Variants in CNNM2 observed in about 807,000 individuals in gnomAD.
The protein encoded by CNNM2 is cyclin and CBS domain divalent metal cation transport mediator 2.
Under a neutral mutation model 66.9 loss-of-function variants are expected in CNNM2, and 12 were observed. The observed-to-expected ratio is 0.18, with a 90% CI of 0.11 to 0.29. The LOEUF is 0.29. CNNM2 is among the 10% of genes least tolerant of loss of function. The pLI is 1.00. For missense variants in CNNM2, 705 were observed against 1,167.7 expected (o/e 0.60, Z 5.77); for synonymous variants, 557 against 501.8 (o/e 1.11, Z -1.47).
intron 1 of CNNM2, among the ~76,000 whole-genome samples, chr10:103,023,168 G>T (rs2064624742): frequency 6.6e-6 from 1 of 152,188 alleles, no homozygotes; most frequent in South Asian, 2.1e-4. Context: ...GCCTCCCAGA[G>T]TGCTGGGATT....
rs1434463051 is a variant in CNNM2 at position 103,088,787 on chromosome 10, A to C, written c.*11607A>C. 1 of 183,886 alleles carries C rather than the reference A, an allele frequency of 5.4e-6. No homozygotes were observed. The highest frequency in any genetic ancestry group is 6.2e-5 in the Admixed American group (1 of 16,006). 11.4% of individuals were successfully genotyped at this position (183,886 alleles called of 1,614,324 possible). On this transcript the variant is annotated 3_prime_UTR_variant, in exon 8 of 8. Coordinates refer to ENST00000369878, the MANE Select transcript of CNNM2 (RefSeq NM_017649.5). ...CCCTCTTCCCATCCTCTGATGTTCA[A>C]TTTTAATATACAGCAATCAACTCTT...
At chr10:103,071,872 C>T in intron 6 of CNNM2, 33 bp downstream of exon 6, 2 of 1,596,302 alleles carry the variant, frequency 1.3e-6, no homozygotes, top group Non-Finnish European at 1.7e-6. Flanking sequence ...CGTAATTCTC[C>T]TGATTGCCTT....
chr10:102,989,233 C>A (rs1468046647), intron 1 of CNNM2, among the ~76,000 whole-genome samples: 1 of 152,178 alleles, frequency 6.6e-6, no homozygotes, highest in Non-Finnish European at 1.5e-5. Context: ...GGGAAACTTT[C>A]ATTATCTTTT....
intron 1 of CNNM2, among the ~76,000 whole-genome samples, chr10:102,987,638 G>C (rs943525307): frequency 4.0e-5 from 6 of 151,760 alleles, no homozygotes; most frequent in Admixed American, 1.3e-4. Flanking sequence ...TTTTTATATG[G>C]ATTTCATGAT....
intron 2 of CNNM2, among the ~76,000 whole-genome samples, chr10:103,051,290 G>A (rs2065208426): frequency 6.6e-6 from 1 of 152,104 alleles, no homozygotes; most frequent in Non-Finnish European, 1.5e-5. Flanking sequence ...AATTAGCTGG[G>A]CGTGGTGGCA....
At chr10:103,020,695 A>C (rs560594004) in intron 1 of CNNM2, among the ~76,000 whole-genome samples, 2 of 152,190 alleles carry the variant, frequency 1.3e-5, no homozygotes, top group East Asian at 3.8e-4. Flanking sequence ...TGGTGTGGCC[A>C]GGCAAATAAG....
At chr10:102,995,412 C>T (rs1228165997) in intron 1 of CNNM2, among the ~76,000 whole-genome samples, 1 of 151,442 alleles carries the variant, frequency 6.6e-6, no homozygotes, top group East Asian at 2.0e-4. Flanking sequence ...AGGGTTTTGC[C>T]ATGTTGGCCA....
At chr10:102,989,090 G>A (rs2063849149) in intron 1 of CNNM2, among the ~76,000 whole-genome samples, 2 of 152,140 alleles carry the variant, frequency 1.3e-5, no homozygotes, top group Admixed American at 6.6e-5. Context: ...AGACAGATCC[G>A]ATTACAATTC....
intron 1 of CNNM2, among the ~76,000 whole-genome samples, chr10:102,970,553 T>G (rs893860634): frequency 2.0e-5 from 3 of 152,204 alleles, no homozygotes; most frequent in Non-Finnish European, 2.9e-5. Context: ...ATTCCAGATG[T>G]TGCCTATTCT....
intron 1 of CNNM2, among the ~76,000 whole-genome samples, chr10:102,994,032 G>A (rs2063942988): frequency 6.6e-6 from 1 of 152,118 alleles, no homozygotes; most frequent in Admixed American, 6.6e-5. Context: ...TGCCTCCCGG[G>A]TTCAAGTGAT....
At chr10:103,017,093 C>G (rs2064467783) in intron 1 of CNNM2, among the ~76,000 whole-genome samples, 1 of 151,922 alleles carries the variant, frequency 6.6e-6, no homozygotes, top group South Asian at 2.1e-4. Context: ...TGAGGCCCAA[C>G]AATACTTGGA....
rs527789982 is a variant in CNNM2, at chr10:103,072,504, C to T, written c.2233+665C>T. Among the ~76,000 whole-genome samples the T allele has an allele frequency of 2.6e-4, 40 of 151,714 alleles. No individual in the cohort carries two copies. In the South Asian group the frequency reaches 4.8e-3, roughly 18 times the overall value. On this transcript the variant is annotated intron_variant, in intron 6 of 7. Coordinates refer to ENST00000369878, the MANE Select transcript of CNNM2 (RefSeq NM_017649.5). ...CTCCCCGCCACCAGGCAGGCGACCC[C>T]GCTTCTCCCCGCCACCAGGCAGGCG...
In CNNM2 at chr10:103,082,560, T is replaced by G. The variant is rs539801670; in HGVS notation, c.*5380T>G. ...TTTTATATTATTTATTATGTACATATGCCTGTTAGTACTTCGTCTGTGACT... is the reference window on the plus strand; with the variant it reads ...TTTTATATTATTTATTATGTACATAGGCCTGTTAGTACTTCGTCTGTGACT... On this transcript the variant is annotated 3_prime_UTR_variant, in exon 8 of 8. Transcript: ENST00000369878. 6.6e-6 allele frequency: 1 copy of G among 152,372 alleles called. No homozygotes were observed. The highest frequency in any genetic ancestry group is 2.1e-4 in the South Asian group (1 of 4,828). The allele number at this position is 152,372 out of a possible 1,614,324, so 9.4% of individuals were successfully genotyped here. A position where few individuals can be genotyped will look rare whatever the true frequency, so the allele number is the denominator to read the frequency against.
At chr10:103,009,210 G>A (rs1336045216) in intron 1 of CNNM2, among the ~76,000 whole-genome samples, 1 of 152,122 alleles carries the variant, frequency 6.6e-6, no homozygotes, top group East Asian at 1.9e-4. Flanking sequence ...AGGAGGCGGA[G>A]GTTGTGCTGG....
At chr10:103,069,586 AGGGT>A (rs1158356063) in intron 5 of CNNM2, among the ~76,000 whole-genome samples, 3 of 152,180 alleles carry the variant, frequency 2.0e-5, no homozygotes, top group African/African-American at 7.2e-5. Context: ...CAGCCAGTTA[AGGGT>A]GGGTGGCCAT....
chr10:103,020,072 C>T (rs1228295577), intron 1 of CNNM2, among the ~76,000 whole-genome samples: 2 of 152,000 alleles, frequency 1.3e-5, no homozygotes, highest in African/African-American at 4.8e-5. Flanking sequence ...GTGAGTTCAA[C>T]TCTTTCATAG....
chr10:103,024,881 A>C (rs997127837), intron 1 of CNNM2, among the ~76,000 whole-genome samples: 2 of 152,084 alleles, frequency 1.3e-5, no homozygotes, highest in Non-Finnish European at 2.9e-5. Flanking sequence ...TCATTTATCT[A>C]TCCCATGTAT....
At chr10:102,942,568 T>C (rs1318423686) in intron 1 of CNNM2, among the ~76,000 whole-genome samples, 2 of 152,238 alleles carry the variant, frequency 1.3e-5, no homozygotes, top group Non-Finnish European at 2.9e-5. Flanking sequence ...ATTCGTCTGT[T>C]GATGGACATT....
At chr10:102,923,153 A>G (rs769743706) in intron 1 of CNNM2, among the ~76,000 whole-genome samples, 3 of 151,840 alleles carry the variant, frequency 2.0e-5, no homozygotes. Context: ...CCAAGAGACA[A>G]GGTCTCACTG....
Sources: gnomAD v4.1 joint callset for allele counts (sites outside exome capture counted in the v4.1 genomes callset) on GRCh38, gnomAD v4.1.1 for gene constraint, MANE v1.5 for transcripts, NCBI Gene and HGNC (gene_info 2026-07-23, HGNC 2026-07-21) for gene names.